The following TBXAS1 variants were observed in gnomAD, a reference collection of about 807,000 sequenced individuals.
The protein encoded by TBXAS1 is thromboxane A synthase 1.
TBXAS1 carries 48 observed loss-of-function variants against 60.7 expected under a neutral mutation model. The observed-to-expected ratio is 0.79, with a 90% confidence interval of 0.63 to 1.01. The LOEUF is 1.01. Among genes scored for constraint, TBXAS1 ranks in the 50% least tolerant of loss-of-function variants. The pLI is 0.00. For synonymous variants in TBXAS1, 287 were observed against 269.7 expected (o/e 1.06, Z -0.63); for missense variants, 685 against 686.3 (o/e 1.00, Z 0.02).
intron 10 of TBXAS1, among the ~76,000 whole-genome samples, chr7:140,012,212 G>A (rs1354793124): frequency 1.3e-5 from 2 of 152,210 alleles, no homozygotes; most frequent in African/African-American, 4.8e-5. Flanking sequence ...GAAATGGCCT[G>A]AAGTCTGGAA....
At chr7:139,841,331 T>C (rs748299093) in intron 1 of TBXAS1, among the ~76,000 whole-genome samples, 2 of 152,110 alleles carry the variant, frequency 1.3e-5, no homozygotes. Flanking sequence ...GGTGGGGAAG[T>C]ACCCCAGGCA....
intron 4 of TBXAS1, among the ~76,000 whole-genome samples, chr7:139,923,176 A>ATATATATATATATATATATAT (rs1554490812): frequency 2.0e-5 from 3 of 152,006 alleles, no homozygotes; most frequent in South Asian, 2.1e-4. Flanking sequence ...ATATATATAT[A>ATATATATATATATATATATAT]ATTAGCCAGG....
rs770409673 is a variant in TBXAS1 at position 139,953,412 on chromosome 7, T to C, written c.495T>C (p.His165=). The stretch of plus-strand genomic sequence containing the variant: ...AAGCCTGCGACCTTCTCCTGGCTCA[T>C]TTAAAACGCTATGCGGAATCTGGGG... ...ISQACDLLLA[H]LKRYAESGDA... Residue 165 remains histidine, a synonymous_variant, in exon 6 of 13, where the codon CAT becomes CAC. Coordinates refer to ENST00000448866, the MANE Select transcript of TBXAS1 (RefSeq NM_001061.7). 6.2e-7 allele frequency: 1 copy of C among 1,614,216 alleles called. No individual in the cohort carries two copies. The highest frequency in any genetic ancestry group is 1.1e-5 in the South Asian group (1 of 91,086).
intron 1 of TBXAS1, among the ~76,000 whole-genome samples, chr7:139,861,105 C>T (rs895956491): frequency 6.7e-6 from 1 of 149,526 alleles, no homozygotes; most frequent in Non-Finnish European, 1.5e-5. Flanking sequence ...GCCCGGGAGG[C>T]GAAGGTTGCA....
chr7:139,781,564 G>T (rs1796989614), intron 2 of TBXAS1, among the ~76,000 whole-genome samples: 1 of 152,196 alleles, frequency 6.6e-6, no homozygotes, highest in African/African-American at 2.4e-5. Context: ...GGGTGCTGTG[G>T]CTCACGCCTG....
At chr7:139,782,323 A>G (rs546061373) in intron 2 of TBXAS1, among the ~76,000 whole-genome samples, 4 of 152,288 alleles carry the variant, frequency 2.6e-5, no homozygotes, top group Admixed American at 2.0e-4. Flanking sequence ...GTAACCATTT[A>G]TACCAGTTAC....
In TBXAS1 at chr7:139,999,446, C is replaced by A. The variant is rs1421728257; in HGVS notation, c.1135-7645C>A. On this transcript the variant is annotated intron_variant, in intron 9 of 12. Coordinates refer to ENST00000448866, the MANE Select transcript of TBXAS1 (RefSeq NM_001061.7). The surrounding 1 kb of genome is among the most constrained non-coding windows in gnomAD (Gnocchi z 4.3). ...GGCTGACGCATGAGACTCGCTTGAACCCGGGAGGTGGAGGTTGCAGTGAGC... is the reference window on the plus strand; with the variant it reads ...GGCTGACGCATGAGACTCGCTTGAAACCGGGAGGTGGAGGTTGCAGTGAGC... Among the ~76,000 whole-genome samples the A allele has an allele frequency of 6.6e-6, 1 of 152,162 alleles. No individual in the cohort carries two copies. Among genetic ancestry groups the A allele is most frequent in the East Asian group, 1.9e-4 (1 of 5,200 alleles).
intron 5 of TBXAS1, 59 bp downstream of exon 5, chr7:139,936,366 T>A: frequency 6.5e-7 from 1 of 1,534,790 alleles, no homozygotes; most frequent in South Asian, 1.1e-5. Context: ...TCTCTCCAAA[T>A]CGTGATGAGA....
chr7:139,978,775 CAAA>C (rs35583867), intron 9 of TBXAS1, among the ~76,000 whole-genome samples: 5 of 90,982 alleles, frequency 5.5e-5, no homozygotes, highest in African/African-American at 1.3e-4. Context: ...CCTGCCTCTA[CAAA>C]AAAAAAAAAA....
intron 9 of TBXAS1, among the ~76,000 whole-genome samples, chr7:139,981,579 C>T (rs1284122381): frequency 6.6e-6 from 1 of 152,218 alleles, no homozygotes; most frequent in African/African-American, 2.4e-5. Context: ...TCAAGCTCAC[C>T]TTCCTATTGC....
At chr7:139,981,477 A>G (rs1412249304) in intron 9 of TBXAS1, among the ~76,000 whole-genome samples, 2 of 152,248 alleles carry the variant, frequency 1.3e-5, no homozygotes, top group Non-Finnish European at 2.9e-5. Flanking sequence ...GGAAAAGTGA[A>G]GCAGAATGGC....
At chr7:139,832,619 A>G (rs1344788388) in intron 1 of TBXAS1, among the ~76,000 whole-genome samples, 1 of 152,224 alleles carries the variant, frequency 6.6e-6, no homozygotes, top group Non-Finnish European at 1.5e-5. Context: ...ACACGTGGGA[A>G]ATTCATCGCA....
At chr7:139,836,876 C>T (rs932404663) in intron 1 of TBXAS1, among the ~76,000 whole-genome samples, 1 of 152,134 alleles carries the variant, frequency 6.6e-6, no homozygotes, top group African/African-American at 2.4e-5. Flanking sequence ...AGTAAACAGA[C>T]AACCCAGAGT....
intron 7 of TBXAS1, among the ~76,000 whole-genome samples, chr7:139,956,711 C>T (rs1475431857): frequency 1.3e-5 from 2 of 152,266 alleles, no homozygotes. Flanking sequence ...GCAGTCTCTT[C>T]CTGCACCCTT....
At position 139,862,833 on chromosome 7, in the gene TBXAS1, T is replaced by C. The variant is rs58731538; in HGVS notation, c.90-9402T>C. Among the ~76,000 whole-genome samples, 1,128 of 152,350 alleles carry C rather than the reference T, an allele frequency of 7.4e-3. 19 individuals are homozygous for C. Among genetic ancestry groups the C allele is most frequent in the African/African-American group, 0.026 (1,066 of 41,574 alleles). On this transcript the variant is annotated intron_variant, in intron 1 of 12. Transcript: ENST00000448866. Reference sequence around the variant, plus strand: ...TTAGTATATGTTATTAATACACTTTTGGTTTCTAAGCAGCCTGCCTTTGTT... The same window carrying C: ...TTAGTATATGTTATTAATACACTTTCGGTTTCTAAGCAGCCTGCCTTTGTT...
chr7:139,955,291 C>G (rs750747755), intron 6 of TBXAS1, among the ~76,000 whole-genome samples, 168 bp from the exon 7 acceptor site: 2 of 152,114 alleles, frequency 1.3e-5, no homozygotes, highest in Non-Finnish European at 2.9e-5. Flanking sequence ...ATCCAGGAGC[C>G]CATCTCCCTC....
chr7:139,844,776 T>A (rs778493699), intron 1 of TBXAS1, among the ~76,000 whole-genome samples: 48 of 152,166 alleles, frequency 3.2e-4, no homozygotes, highest in Non-Finnish European at 1.9e-4. Context: ...CATCATCTCA[T>A]GATCTAAGAG....
intron 1 of TBXAS1, among the ~76,000 whole-genome samples, chr7:139,869,950 G>A (rs141027874): frequency 6.6e-6 from 1 of 152,296 alleles, no homozygotes; most frequent in African/African-American, 2.4e-5. Flanking sequence ...AACCCATGTT[G>A]CTATTTTGCC....
chr7:139,823,910 G>T (rs1040384155), intron 4 of TBXAS1, among the ~76,000 whole-genome samples: 1 of 152,156 alleles, frequency 6.6e-6, no homozygotes, highest in Non-Finnish European at 1.5e-5. Context: ...AAGCTCCATT[G>T]TCCCTTTACC....
Sources: gnomAD v4.1 joint callset for allele counts (sites outside exome capture counted in the v4.1 genomes callset) on GRCh38, gnomAD v4.1.1 for gene constraint, Gnocchi (gnomAD v3.1) non-coding constraint, MANE v1.5 for transcripts, NCBI Gene and HGNC (gene_info 2026-07-23, HGNC 2026-07-21) for gene names.